Variants in RNGTT observed in about 807,000 individuals in gnomAD.
The protein encoded by RNGTT is RNA guanylyltransferase and 5'-phosphatase.
A neutral mutation model predicts 79.3 loss-of-function variants in RNGTT; 33 were observed. The ratio of observed to expected loss-of-function variants is 0.42; its 90% confidence interval spans 0.32 to 0.56. The LOEUF (loss-of-function observed/expected upper bound fraction) is 0.56. Among genes scored for constraint, RNGTT ranks in the 20% least tolerant of loss-of-function variants. The pLI, the probability that RNGTT is intolerant of heterozygous loss-of-function variation, is 0.17. For synonymous variants in RNGTT, 222 were observed against 235.9 expected (o/e 0.94, Z 0.54); for missense variants, 497 against 739.1 (o/e 0.67, Z 3.80).
intron 14 of RNGTT, among the ~76,000 whole-genome samples, chr6:88,621,999 A>G (rs1562153769): frequency 6.6e-6 from 1 of 152,128 alleles, no homozygotes; most frequent in Admixed American, 6.6e-5. Flanking sequence ...TTAAATGACC[A>G]ATCTACTTTT....
rs1431663566 is a variant in RNGTT at position 88,698,180 on chromosome 6, T to TATATATATGAAATATATATG, written c.1440-19781_1440-19762dup. On this transcript the variant is annotated intron_variant, in intron 13 of 15. Coordinates refer to ENST00000369485, the MANE Select transcript of RNGTT (RefSeq NM_003800.5). The stretch of plus-strand genomic sequence containing the variant: ...TATGATATATATGACATATATATGA[T>TATATATATGAAATATATATG]ATATATATGAAATATATATGATATA... Among the ~76,000 whole-genome samples the TATATATATGAAATATATATG allele has an allele frequency of 1.6e-4, 18 of 111,722 alleles. 2 individuals are homozygous for TATATATATGAAATATATATG. The highest frequency in any genetic ancestry group is 7.8e-4 in the South Asian group (3 of 3,822). The allele number at this position is 111,722 out of a possible 152,430, so 73.3% of individuals were successfully genotyped here.
chr6:88,875,053 T>G (rs1782474248), intron 8 of RNGTT, among the ~76,000 whole-genome samples: 1 of 152,152 alleles, frequency 6.6e-6, no homozygotes, highest in African/African-American at 2.4e-5. Context: ...TCTTGTATTG[T>G]CTTTGAGACC....
At chr6:88,957,936 A>G (rs1785488517) in intron 1 of RNGTT, among the ~76,000 whole-genome samples, 1 of 152,242 alleles carries the variant, frequency 6.6e-6, no homozygotes, top group African/African-American at 2.4e-5. Flanking sequence ...GCAAACAAAA[A>G]AGAACAAATG....
chr6:88,732,377 C>T (rs1777145479), intron 13 of RNGTT, among the ~76,000 whole-genome samples: 1 of 152,084 alleles, frequency 6.6e-6, no homozygotes, highest in African/African-American at 2.4e-5. Flanking sequence ...GAACAGAAAA[C>T]CATGTTGGCA....
Position 88,698,260 on chromosome 6 carries a change from A to AAATATATATATGATATATATTCAT in RNGTT, c.1440-19842_1440-19841insATGAATATATATCATATATATATT, listed in dbSNP as rs1562202296. Among the ~76,000 whole-genome samples, 62 of 95,416 alleles carry AAATATATATATGATATATATTCAT rather than the reference A, an allele frequency of 6.5e-4. 1 individual carries two copies. The highest frequency in any genetic ancestry group is 5.4e-3 in the African/African-American group (59 of 10,866). The allele number at this position is 95,416 out of a possible 152,430, so 62.6% of individuals were successfully genotyped here. Reference sequence around the variant, plus strand: ...AATATATATATGAAATATATATATAAATATATATGATATATATATTTCATA... The same window carrying AAATATATATATGATATATATTCAT: ...AATATATATATGAAATATATATATAAAATATATATATGATATATATTCATATATATATGATATATATATTTCATA... On this transcript the variant is annotated intron_variant, in intron 13 of 15. Transcript: ENST00000369485.
chr6:88,777,925 T>C (rs1469903617), intron 12 of RNGTT, among the ~76,000 whole-genome samples: 2 of 152,216 alleles, frequency 1.3e-5, no homozygotes, highest in Non-Finnish European at 2.9e-5. Context: ...ATGCTAGCTG[T>C]GGCCTTTTCA....
intron 1 of RNGTT, among the ~76,000 whole-genome samples, chr6:88,956,040 CAAAAAAAA>C (rs750272502): frequency 4.2e-5 from 1 of 23,660 alleles, no homozygotes; most frequent in Non-Finnish European, 8.8e-5. Flanking sequence ...GACTCTGTCT[CAAAAAAAA>C]AAAAAAAAAA....
intron 13 of RNGTT, among the ~76,000 whole-genome samples, chr6:88,759,941 T>G (rs1023159802): frequency 6.6e-6 from 1 of 152,150 alleles, no homozygotes; most frequent in Non-Finnish European, 1.5e-5. Flanking sequence ...GTAACAAGCT[T>G]TTTATAACAT....
chr6:88,765,729 T>C (rs1050470580), intron 13 of RNGTT, among the ~76,000 whole-genome samples: 4 of 152,176 alleles, frequency 2.6e-5, no homozygotes, highest in Admixed American at 6.5e-5. Flanking sequence ...GCCAATAACC[T>C]ATGTTCTTAA....
intron 8 of RNGTT, among the ~76,000 whole-genome samples, chr6:88,890,205 T>C (rs1407438701): frequency 2.0e-5 from 3 of 152,106 alleles, no homozygotes; most frequent in African/African-American, 7.2e-5. Context: ...GCAGCAGACA[T>C]ACCAAAAACC....
At chr6:88,954,038 A>T (rs1011172832) in intron 1 of RNGTT, among the ~76,000 whole-genome samples, 6 of 152,220 alleles carry the variant, frequency 3.9e-5, no homozygotes, top group Admixed American at 2.0e-4. Flanking sequence ...TAAAGCATAA[A>T]TTTCACAGGG....
intron 4 of RNGTT, among the ~76,000 whole-genome samples, chr6:88,909,215 G>A (rs1783754944): frequency 6.6e-6 from 1 of 152,208 alleles, no homozygotes. Context: ...TGGGCACGCA[G>A]GGCTTTTGAG....
intron 11 of RNGTT, among the ~76,000 whole-genome samples, chr6:88,816,744 T>C (rs1780325665): frequency 6.6e-6 from 1 of 152,170 alleles, no homozygotes; most frequent in Non-Finnish European, 1.5e-5. Flanking sequence ...GAATCAGTAA[T>C]AAAACCTATT....
chr6:88,767,063 C>T (rs571089309), intron 13 of RNGTT, among the ~76,000 whole-genome samples: 4 of 152,184 alleles, frequency 2.6e-5, no homozygotes, highest in African/African-American at 9.6e-5. Context: ...TTAGAAAAAG[C>T]ATATTACTCT....
rs1362926283 is a variant in RNGTT, at chr6:88,946,249, T to A, written c.65-5069A>T. ...TTATATTTGTTACAGTGATCTATGA[T>A]CAGTGATCTTTGATGTTACAACTGT... On this transcript the variant is annotated intron_variant, in intron 1 of 15. Transcript: ENST00000369485. Among the ~76,000 whole-genome samples the A allele has an allele frequency of 2.6e-5, 4 of 152,140 alleles. No individual in the cohort carries two copies. In the East Asian group the frequency reaches 7.7e-4, roughly 29 times the overall value.
At chr6:88,704,231 C>T (rs1205683417) in intron 13 of RNGTT, among the ~76,000 whole-genome samples, 1 of 136,586 alleles carries the variant, frequency 7.3e-6, no homozygotes, top group Non-Finnish European at 1.5e-5. Flanking sequence ...CTGCACTTTA[C>T]CCTGGGTGAC....
intron 2 of RNGTT, among the ~76,000 whole-genome samples, chr6:88,930,041 CAT>C (rs1424156146): frequency 1.4e-5 from 2 of 145,318 alleles, no homozygotes; most frequent in Non-Finnish European, 3.0e-5. Flanking sequence ...CATATATATG[CAT>C]ATATACATAT....
At chr6:88,920,601 A>G (rs1254115180) in intron 4 of RNGTT, among the ~76,000 whole-genome samples, 1 of 152,210 alleles carries the variant, frequency 6.6e-6, no homozygotes, top group African/African-American at 2.4e-5. Flanking sequence ...CTTTATCTGA[A>G]TAAGTAAAAA....
intron 13 of RNGTT, among the ~76,000 whole-genome samples, chr6:88,764,069 G>A (rs1257602058): frequency 1.3e-5 from 2 of 152,038 alleles, no homozygotes; most frequent in African/African-American, 4.8e-5. Context: ...ATGACAGCTG[G>A]GCAGCAACTG....
Sources: allele counts gnomAD v4.1 joint callset (sites outside exome capture counted in the v4.1 genomes callset), GRCh38; gene constraint gnomAD v4.1.1; transcripts MANE v1.5; gene names NCBI Gene and HGNC (gene_info 2026-07-23, HGNC 2026-07-21).